The following TECTA variants were observed in gnomAD, a reference collection of about 807,000 sequenced individuals.
TECTA encodes tectorin alpha, also known as alpha-tectorin.
TECTA carries 128 observed loss-of-function variants against 216.8 expected under a neutral mutation model. That is an observed-to-expected ratio of 0.59 (90% CI 0.51 to 0.68). TECTA has a LOEUF of 0.68. Among genes scored for constraint, TECTA ranks in the 30% least tolerant of loss-of-function variants. The pLI is 0.00. For missense variants in TECTA, 2,551 were observed against 2,786.2 expected, an observed-to-expected ratio of 0.92 and a Z score of 1.90; for synonymous variants, 1,089 against 1,117.1, an observed-to-expected ratio of 0.97 and a Z score of 0.50.
chr11:121,130,309 C>T, intron 10 of TECTA, 98 bp downstream of exon 10: 1 of 1,375,798 alleles, frequency 7.3e-7, no homozygotes, highest in Non-Finnish European at 9.9e-7. Flanking sequence ...GGACTGAGCT[C>T]AAGGGTGATG....
At chr11:121,104,308 G>A (rs1946372217) in intron 2 of TECTA, among the ~76,000 whole-genome samples, 1 of 152,078 alleles carries the variant, frequency 6.6e-6, no homozygotes, top group African/African-American at 2.4e-5. Flanking sequence ...AAATAGAAAT[G>A]TTAGAAGACC....
At position 121,113,685 on chromosome 11, in the gene TECTA, G is replaced by A; in HGVS notation, c.757G>A (p.Glu253Lys). 1.2e-6 allele frequency: 2 copies of A among 1,613,806 alleles called. No individual in the cohort carries two copies. Among genetic ancestry groups the A allele is most frequent in the Non-Finnish European group, 1.7e-6 (2 of 1,180,004 alleles). The change falls in exon 6 of 24, where the codon GAA becomes AAA. Residue 253 changes from glutamate (E) to lysine (K), a missense_variant. By Grantham distance (56) the Glu-to-Lys change is moderately conservative. Transcript: ENST00000392793. The surrounding 1 kb of genome is among the most constrained non-coding windows in gnomAD (Gnocchi z 4.2). ...GRWAFKVDGK[E>K]IDPANGCTSR... is the part of the protein sequence containing the mutation. Reference sequence around the variant, plus strand: ...CTGGGCATTTAAAGTTGATGGAAAGGAAATTGACCCAGCCAATGGCTGCAC... The same window carrying A: ...CTGGGCATTTAAAGTTGATGGAAAGAAAATTGACCCAGCCAATGGCTGCAC...
At chr11:121,140,629 T>C (rs972506265) in intron 11 of TECTA, among the ~76,000 whole-genome samples, 1 of 152,120 alleles carries the variant, frequency 6.6e-6, no homozygotes, top group African/African-American at 2.4e-5. Context: ...AGGTTCACAC[T>C]CCCCGTGAGG....
intron 10 of TECTA, among the ~76,000 whole-genome samples, chr11:121,131,017 A>G (rs1946669168): frequency 6.6e-6 from 1 of 152,050 alleles, no homozygotes; most frequent in Admixed American, 6.5e-5. Context: ...GATCGAGACC[A>G]TCCTGGCTAA....
At chr11:121,139,947 G>A (rs1360518398) in intron 11 of TECTA, among the ~76,000 whole-genome samples, 7 of 152,212 alleles carry the variant, frequency 4.6e-5, no homozygotes, top group South Asian at 2.1e-4. Context: ...TTTTGCCCAC[G>A]TTGCTCGCAT....
intron 20 of TECTA, among the ~76,000 whole-genome samples, chr11:121,179,818 A>G (rs1347707690): frequency 2.6e-5 from 4 of 152,078 alleles, no homozygotes; most frequent in Non-Finnish European, 2.9e-5. Context: ...AGTCTGTTAT[A>G]TCTGACACAA....
In TECTA at chr11:121,128,146, C is replaced by T. The variant is rs1443407360; in HGVS notation, c.2169C>T (p.Thr723=). 3 of 1,612,346 alleles carry T rather than the reference C, an allele frequency of 1.9e-6. No homozygotes were observed. Among genetic ancestry groups the T allele is most frequent in the Non-Finnish European group, 2.5e-6 (3 of 1,180,032 alleles). The change falls in exon 9 of 24, where the codon ACC becomes ACT. Residue 723 remains threonine, a synonymous_variant. Coordinates refer to ENST00000392793, the MANE Select transcript of TECTA (RefSeq NM_005422.4). ...TCAGCCAGAACCAGGTGCTGCACAC[C>T]TTTGACGGCGCCTCCTACGCCTTCC... is the stretch of plus-strand genomic sequence containing the variant. ...CLLSQNQVLH[T]FDGASYAFPS...
chr11:121,140,934 C>T (rs1280619950), intron 11 of TECTA: 2 of 152,280 alleles, frequency 1.3e-5, no homozygotes, highest in African/African-American at 4.8e-5. Context: ...GTTAAGGCCT[C>T]AACATTTCTT....
chr11:121,137,809 C>A lies in TECTA; in HGVS notation c.3330C>A (p.Thr1110=). Residue 1110 remains threonine (T), a synonymous_variant, in exon 11 of 24, where the codon ACC becomes ACA. Coordinates refer to ENST00000392793, the MANE Select transcript of TECTA (RefSeq NM_005422.4). The part of the protein sequence containing the change: ...CIVSGYGHYL[T]FDGFPFDFQT... The stretch of plus-strand genomic sequence containing the variant: ...TCTCAGGCTACGGCCACTACCTCAC[C>A]TTTGATGGCTTCCCCTTTGACTTCC... 6.2e-7 allele frequency: 1 copy of A among 1,612,304 alleles called. No homozygotes were observed. The highest frequency in any genetic ancestry group is 2.2e-5 in the East Asian group (1 of 44,826).
intron 13 of TECTA, among the ~76,000 whole-genome samples, chr11:121,155,804 C>T (rs1031633428): frequency 6.6e-6 from 1 of 152,082 alleles, no homozygotes; most frequent in Admixed American, 6.5e-5. Context: ...GACCAATTTC[C>T]AACAGTTTCC....
At chr11:121,130,741 A>G (rs1946666121) in intron 10 of TECTA, among the ~76,000 whole-genome samples, 1 of 152,186 alleles carries the variant, frequency 6.6e-6, no homozygotes, top group African/African-American at 2.4e-5. Context: ...AGTAATTAGA[A>G]AACTTTCTGG....
chr11:121,189,466 C>T (rs184917515), intron 22 of TECTA, among the ~76,000 whole-genome samples: 253 of 152,114 alleles, frequency 1.7e-3, no homozygotes, highest in Non-Finnish European at 3.0e-3. Context: ...CTCCGCCTCC[C>T]GGGTTCACGC....
chr11:121,108,976 T>C (rs1446534966), intron 3 of TECTA, among the ~76,000 whole-genome samples: 1 of 152,154 alleles, frequency 6.6e-6, no homozygotes, highest in East Asian at 1.9e-4. Flanking sequence ...TGAGACTGAT[T>C]ATTAATCAGA....
Position 121,118,391 on chromosome 11 carries a change from C to T in TECTA, c.876C>T (p.Ile292=), listed in dbSNP as rs1440858893. Reference sequence around the variant, plus strand: ...GCTGTCTGGATTTCAACAATGAGATCTACTGCCAGGAGGCTTCCTGTAGCC... The same window carrying T: ...GCTGTCTGGATTTCAACAATGAGATTTACTGCCAGGAGGCTTCCTGTAGCC... ...KCRCLDFNNE[I]YCQEASCSPY... The change falls in exon 7 of 24, where the codon ATC becomes ATT. Residue 292 remains isoleucine, a synonymous_variant. Transcript: ENST00000392793. 1.2e-6 allele frequency: 2 copies of T among 1,614,074 alleles called. No homozygotes were observed. Among genetic ancestry groups the T allele is most frequent in the Admixed American group, 3.3e-5 (2 of 60,016 alleles).
At position 121,158,113 on chromosome 11, in the gene TECTA, G is replaced by A. The variant is rs745995567; in HGVS notation, c.4578G>A (p.Gln1526=). The A allele has an allele frequency of 6.2e-6, 10 of 1,614,198 alleles. No homozygotes were observed. In the Admixed American group the frequency reaches 1.7e-4, roughly 27 times the overall value. Residue 1526 remains glutamine (Q), a synonymous_variant, in exon 14 of 24, where the codon CAG becomes CAA. Coordinates refer to ENST00000392793, the MANE Select transcript of TECTA (RefSeq NM_005422.4). The part of the protein sequence containing the change: ...ICQKLPDISF[Q]LIINFDKWSA... ...AGAAACTGCCCGACATCTCCTTCCA[G>A]CTTATCATCAACTTCGACAAGTGGT... is the stretch of plus-strand genomic sequence containing the variant.
chr11:121,132,345 T>A (rs546202970), intron 10 of TECTA, among the ~76,000 whole-genome samples: 2 of 152,258 alleles, frequency 1.3e-5, no homozygotes, highest in Non-Finnish European at 2.9e-5. Flanking sequence ...CAATGGTTTC[T>A]GTTGACATTT....
chr11:121,123,986 C>T (rs1946583644), intron 7 of TECTA, among the ~76,000 whole-genome samples: 1 of 152,230 alleles, frequency 6.6e-6, no homozygotes, highest in East Asian at 1.9e-4. Flanking sequence ...TAGATAACCA[C>T]ATGGATTTCT....
rs1947316961 is a variant in TECTA, at chr11:121,189,183, A to G, written c.6250+16A>G. The G allele has an allele frequency of 8.1e-6, 13 of 1,610,444 alleles. No homozygotes were observed. Among genetic ancestry groups the G allele is most frequent in the African/African-American group, 1.3e-5 (1 of 74,846 alleles). The stretch of plus-strand genomic sequence containing the variant: ...AGGAGAAAAAGTATGTATGTTCCCT[A>G]AAACACACCCTAAATTATTAAAACA... On this transcript the variant is annotated intron_variant, in intron 22 of 23. Transcript: ENST00000392793.
In TECTA at chr11:121,160,131, A is replaced by C. The variant is rs371138718; in HGVS notation, c.4690-4A>C. ...AATTATTTTCTTTTTTCCTCCTCCA[A>C]TAGGTGAATGGCACACAAGTGAATG... is the stretch of plus-strand genomic sequence containing the variant. On this transcript the variant is annotated splice_polypyrimidine_tract_variant and splice_region_variant and intron_variant, in intron 14 of 23. Transcript: ENST00000392793. 1 of 1,614,020 alleles carries C rather than the reference A, an allele frequency of 6.2e-7. No individual in the cohort carries two copies. Among genetic ancestry groups the C allele is most frequent in the African/African-American group, 1.3e-5 (1 of 74,894 alleles).
Sources: allele counts gnomAD v4.1 joint callset (sites outside exome capture counted in the v4.1 genomes callset), GRCh38; gene constraint gnomAD v4.1.1; non-coding constraint Gnocchi (gnomAD v3.1); transcripts MANE v1.5; gene names NCBI Gene and HGNC (gene_info 2026-07-23, HGNC 2026-07-21).